PRELID2: variants seen among roughly 807,000 people sequenced by gnomAD.
The protein encoded by PRELID2 is PRELI domain-containing protein 2.
Under a neutral mutation model 28.4 loss-of-function variants are expected in PRELID2, and 25 were observed. That is an observed-to-expected ratio of 0.88 (90% CI 0.64 to 1.23). The LOEUF (loss-of-function observed/expected upper bound fraction) is 1.23, where lower values mean the gene tolerates loss of function less well. Ranked by LOEUF, PRELID2 falls within the 50% of genes most tolerant of loss-of-function variation. The pLI is 0.00. For synonymous variants in PRELID2, 76 were observed against 71.6 expected, an observed-to-expected ratio of 1.06 and a Z score of -0.31; for missense variants, 201 against 214.4, an observed-to-expected ratio of 0.94 and a Z score of 0.39.
intron 1 of PRELID2, among the ~76,000 whole-genome samples, chr5:145,635,063 T>C (rs886315501): frequency 1.3e-5 from 2 of 152,220 alleles, no homozygotes; most frequent in African/African-American, 2.4e-5. Flanking sequence ...AGAATGCTAC[T>C]ATCAAAACAC....
At chr5:145,733,267 G>GA (rs1318504355) in intron 1 of PRELID2, among the ~76,000 whole-genome samples, 8 of 151,346 alleles carry the variant, frequency 5.3e-5, no homozygotes, top group African/African-American at 1.7e-4. Context: ...GTCTCAAAAA[G>GA]AAAAAAAATC....
intron 1 of PRELID2, among the ~76,000 whole-genome samples, chr5:145,602,052 T>C (rs1417066771): frequency 6.6e-6 from 1 of 152,218 alleles, no homozygotes; most frequent in Non-Finnish European, 1.5e-5. Context: ...TTTTATTTTC[T>C]GGCACTGCGG....
chr5:145,679,462 C>T (rs534349125), intron 1 of PRELID2, among the ~76,000 whole-genome samples: 3 of 152,280 alleles, frequency 2.0e-5, no homozygotes, highest in South Asian at 2.1e-4. Flanking sequence ...AATTACATCA[C>T]TCTATTTTAT....
the PRELID2 span, among the ~76,000 whole-genome samples, chr5:145,316,609 G>C: frequency 6.6e-6 from 1 of 152,204 alleles, no homozygotes; most frequent in Admixed American, 6.5e-5. Flanking sequence ...TTCCTGTTAA[G>C]ATACCACTGC....
the PRELID2 span, among the ~76,000 whole-genome samples, chr5:145,367,094 T>A: frequency 1.3e-5 from 2 of 151,838 alleles, no homozygotes; most frequent in Non-Finnish European, 2.9e-5. Context: ...CCTCTAGATG[T>A]TTCCTCTGTC....
At chr5:145,347,853 T>C in the PRELID2 span, among the ~76,000 whole-genome samples, 6 of 152,098 alleles carry the variant, frequency 3.9e-5, no homozygotes, top group African/African-American at 1.4e-4. Flanking sequence ...TTTGAAAATC[T>C]AAAATTTCTA....
chr5:145,661,783 G>C (rs1419004146), intron 1 of PRELID2, among the ~76,000 whole-genome samples: 1 of 151,704 alleles, frequency 6.6e-6, no homozygotes, highest in Non-Finnish European at 1.5e-5. Flanking sequence ...CAAGTTAAGA[G>C]AAAAGGTTCT....
rs888058345 is a variant in PRELID2, at chr5:145,620,292, G to A, written n.70+144639C>T. Among the ~76,000 whole-genome samples the A allele has an allele frequency of 3.3e-5, 5 of 152,270 alleles. No individual in the cohort carries two copies. In the South Asian group the frequency reaches 1.0e-3, roughly 32 times the overall value. ...ACTCCAGTAAAACACCAAAAGCAAA[G>A]AGATCTACAAGCAGCCAGAGAATGG... On this transcript the variant is annotated intron_variant and non_coding_transcript_variant, in intron 1 of 2. Coordinates refer to the PRELID2 transcript ENST00000510259.
At chr5:145,493,759 C>T (rs943708597) in intron 1 of PRELID2, among the ~76,000 whole-genome samples, 1 of 152,144 alleles carries the variant, frequency 6.6e-6, no homozygotes, top group Non-Finnish European at 1.5e-5. Context: ...ATCGTTATTC[C>T]TTCCTAGAAT....
At chr5:145,370,708 G>A in the PRELID2 span, among the ~76,000 whole-genome samples, 328 of 152,144 alleles carry the variant, frequency 2.2e-3, no homozygotes, top group African/African-American at 7.2e-3. Context: ...AAGTTAGTTC[G>A]GGCAAAATGA....
intron 5 of PRELID2, among the ~76,000 whole-genome samples, chr5:145,783,715 A>T (rs894438135): frequency 6.6e-6 from 1 of 152,244 alleles, no homozygotes; most frequent in African/African-American, 2.4e-5. Context: ...GAATCTTGAA[A>T]GGGTTCACAT....
the PRELID2 span, among the ~76,000 whole-genome samples, chr5:145,281,079 CAAG>C: frequency 6.6e-6 from 1 of 152,070 alleles, no homozygotes; most frequent in East Asian, 1.9e-4. Context: ...AGGCTCTCTC[CAAG>C]AAGTAGCAAA....
At chr5:145,711,747 G>A (rs949052773) in intron 1 of PRELID2, among the ~76,000 whole-genome samples, 11 of 152,054 alleles carry the variant, frequency 7.2e-5, no homozygotes, top group Non-Finnish European at 1.0e-4. Flanking sequence ...GTTGGGGGGC[G>A]GGGGCAAGAG....
At chr5:145,246,084 A>AT in the PRELID2 span, among the ~76,000 whole-genome samples, 2 of 152,074 alleles carry the variant, frequency 1.3e-5, no homozygotes, top group Non-Finnish European at 2.9e-5. Flanking sequence ...CTTAGAATAC[A>AT]CAAAATCGAA....
chr5:145,290,022 G>A, the PRELID2 span, among the ~76,000 whole-genome samples: 1 of 152,144 alleles, frequency 6.6e-6, no homozygotes. Flanking sequence ...CTGGCCATCA[G>A]AGAAATGCAA....
chr5:145,782,182 C>T (rs1422889686), intron 5 of PRELID2, among the ~76,000 whole-genome samples: 1 of 152,114 alleles, frequency 6.6e-6, no homozygotes, highest in African/African-American at 2.4e-5. Flanking sequence ...ATATGTACAC[C>T]CAGTGCTGAT....
At chr5:145,505,910 G>A (rs1016493810) in intron 1 of PRELID2, among the ~76,000 whole-genome samples, 1 of 152,124 alleles carries the variant, frequency 6.6e-6, no homozygotes, top group Non-Finnish European at 1.5e-5. Flanking sequence ...GACAAATACT[G>A]TATGATTCCA....
At chr5:145,495,450 C>T (rs1274714396) in intron 1 of PRELID2, among the ~76,000 whole-genome samples, 1 of 152,208 alleles carries the variant, frequency 6.6e-6, no homozygotes, top group Non-Finnish European at 1.5e-5. Flanking sequence ...AGACTAACAT[C>T]TCTAACTTGG....
chr5:145,553,927 A>G (rs1752859384), intron 1 of PRELID2, among the ~76,000 whole-genome samples: 1 of 152,194 alleles, frequency 6.6e-6, no homozygotes, highest in Non-Finnish European at 1.5e-5. Context: ...AAGTGACAGA[A>G]ATTCAAAAGT....
Sources: allele counts gnomAD v4.1 joint callset (sites outside exome capture counted in the v4.1 genomes callset), GRCh38; gene constraint gnomAD v4.1.1; transcripts MANE v1.5; gene names NCBI Gene and HGNC (gene_info 2026-07-23, HGNC 2026-07-21).